SGCD: variants seen among roughly 807,000 people sequenced by gnomAD.
SGCD encodes sarcoglycan delta.
SGCD carries 18 observed loss-of-function variants against 36.6 expected under a neutral mutation model. The ratio of observed to expected loss-of-function variants is 0.49; its 90% CI spans 0.34 to 0.73. The LOEUF is 0.73. Among genes scored for constraint, SGCD ranks in the 30% least tolerant of loss-of-function variants. The pLI is 0.01. For synonymous variants in SGCD, 133 were observed against 130.6 expected, an observed-to-expected ratio of 1.02 and a Z score of -0.12; for missense variants, 387 against 346.7, an observed-to-expected ratio of 1.12 and a Z score of -0.92.
chr5:156,678,967 T>C (rs1753619952), intron 7 of SGCD, among the ~76,000 whole-genome samples: 1 of 152,162 alleles, frequency 6.6e-6, no homozygotes, highest in Non-Finnish European at 1.5e-5. Flanking sequence ...ATGTTTTTTT[T>C]CTAGTTCTGA....
chr5:156,744,124 C>T (rs976399317), intron 7 of SGCD, among the ~76,000 whole-genome samples: 1 of 152,196 alleles, frequency 6.6e-6, no homozygotes, highest in African/African-American at 2.4e-5. Flanking sequence ...AGTTCAAAAC[C>T]AGGGCAACAT....
the SGCD span, among the ~76,000 whole-genome samples, chr5:155,808,858 G>C: frequency 6.6e-6 from 1 of 152,198 alleles, no homozygotes; most frequent in Non-Finnish European, 1.5e-5. Context: ...TATGTGCCAA[G>C]TCACATAGTT....
chr5:156,680,929 A>G (rs1057095976), intron 7 of SGCD, among the ~76,000 whole-genome samples: 3 of 152,054 alleles, frequency 2.0e-5, no homozygotes, highest in African/African-American at 4.8e-5. Flanking sequence ...GCCACTCCTC[A>G]TGGGAGGGAG....
chr5:156,533,429 T>C (rs1454587718), intron 4 of SGCD, among the ~76,000 whole-genome samples: 1 of 152,196 alleles, frequency 6.6e-6, no homozygotes, highest in East Asian at 1.9e-4. Flanking sequence ...CTAAGGATAA[T>C]ATGCTCTATA....
intron 3 of SGCD, among the ~76,000 whole-genome samples, chr5:156,262,344 T>C (rs1372150546): frequency 6.6e-6 from 1 of 152,136 alleles, no homozygotes; most frequent in East Asian, 1.9e-4. Flanking sequence ...TTGCCTGCAG[T>C]ATTTGGTACA....
At chr5:155,804,255 GT>G in the SGCD span, among the ~76,000 whole-genome samples, 1 of 152,186 alleles carries the variant, frequency 6.6e-6, no homozygotes, top group East Asian at 1.9e-4. Flanking sequence ...CAATAAAGCA[GT>G]GAAGAGGATA....
At chr5:156,703,965 A>T (rs1220148414) in intron 7 of SGCD, 1 of 152,168 alleles carries the variant, frequency 6.6e-6, no homozygotes, top group African/African-American at 2.4e-5. Flanking sequence ...ATGAACCACC[A>T]TATAGACACT....
intron 1 of SGCD, among the ~76,000 whole-genome samples, chr5:155,940,649 C>G (rs1262556426): frequency 6.6e-6 from 1 of 152,028 alleles, no homozygotes; most frequent in Non-Finnish European, 1.5e-5. Context: ...TTGAGACCAG[C>G]CTGGCCAATA....
intron 1 of SGCD, among the ~76,000 whole-genome samples, chr5:155,936,218 T>G (rs984260550): frequency 1.3e-5 from 2 of 152,224 alleles, no homozygotes; most frequent in African/African-American, 4.8e-5. Flanking sequence ...CTGTATGTGT[T>G]ACAGCCCTTT....
chr5:156,685,374 A>G (rs887131408), intron 7 of SGCD, among the ~76,000 whole-genome samples: 4 of 152,166 alleles, frequency 2.6e-5, no homozygotes, highest in African/African-American at 7.2e-5. Flanking sequence ...GTGTTGCTCT[A>G]TTTTGTCCTG....
intron 6 of SGCD, among the ~76,000 whole-genome samples, chr5:156,626,658 T>G (rs1762451844): frequency 6.6e-6 from 1 of 152,220 alleles, no homozygotes; most frequent in Non-Finnish European, 1.5e-5. Context: ...TTATGTAATC[T>G]TATAGTTGAA....
chr5:155,831,620 G>A, the SGCD span, among the ~76,000 whole-genome samples: 1 of 152,152 alleles, frequency 6.6e-6, no homozygotes, highest in Non-Finnish European at 1.5e-5. Flanking sequence ...TTTCTCTGAG[G>A]AGCTGTGATT....
At chr5:156,170,840 A>G (rs183114031) in intron 3 of SGCD, among the ~76,000 whole-genome samples, 1 of 152,340 alleles carries the variant, frequency 6.6e-6, no homozygotes, top group African/African-American at 2.4e-5. Flanking sequence ...CAGCTTTTGC[A>G]AGAGAAGAAA....
intron 1 of SGCD, among the ~76,000 whole-genome samples, chr5:155,950,729 C>A (rs1757532330): frequency 6.6e-6 from 1 of 152,120 alleles, no homozygotes; most frequent in South Asian, 2.1e-4. Context: ...ATTTTGTACT[C>A]CCCCAGCCTT....
intron 4 of SGCD, among the ~76,000 whole-genome samples, chr5:156,578,627 C>T (rs1419853465): frequency 6.6e-6 from 1 of 152,210 alleles, no homozygotes; most frequent in Admixed American, 6.5e-5. Flanking sequence ...TCAACTTCTT[C>T]CTGGCTTAGT....
intron 3 of SGCD, among the ~76,000 whole-genome samples, chr5:156,320,348 G>A (rs1433023888): frequency 6.6e-6 from 1 of 152,088 alleles, no homozygotes; most frequent in Non-Finnish European, 1.5e-5. Context: ...TAACTATGGA[G>A]TGCCTATCAT....
At chr5:156,711,026 T>C (rs547369813) in intron 7 of SGCD, among the ~76,000 whole-genome samples, 1 of 152,356 alleles carries the variant, frequency 6.6e-6, no homozygotes, top group Non-Finnish European at 1.5e-5. Context: ...TGGTATCTTA[T>C]TGCCACAAAG....
At chr5:156,604,402 T>C (rs2113425902) in intron 6 of SGCD, among the ~76,000 whole-genome samples, 1 of 152,172 alleles carries the variant, frequency 6.6e-6, no homozygotes, top group African/African-American at 2.4e-5. Flanking sequence ...TTATTTATGA[T>C]AGGTGAGAAC....
chr5:156,719,053 A>G (rs979038080), intron 7 of SGCD, among the ~76,000 whole-genome samples: 15 of 152,116 alleles, frequency 9.9e-5, no homozygotes, highest in African/African-American at 3.4e-4. Context: ...ATGTTTATGT[A>G]TACAAATATG....
Sources: gnomAD v4.1 joint callset for allele counts (sites outside exome capture counted in the v4.1 genomes callset) on GRCh38, gnomAD v4.1.1 for gene constraint, MANE v1.5 for transcripts, NCBI Gene and HGNC (gene_info 2026-07-23, HGNC 2026-07-21) for gene names.